Variants in HS3ST4 observed in about 807,000 individuals in gnomAD.
HS3ST4 encodes heparan sulfate-glucosamine 3-sulfotransferase 4, also known as heparan sulfate glucosamine 3-O-sulfotransferase 4.
Under a neutral mutation model 29.2 loss-of-function variants are expected in HS3ST4, and 17 were observed. That is an observed-to-expected ratio of 0.58 (90% CI 0.40 to 0.87). The LOEUF (loss-of-function observed/expected upper bound fraction) is 0.87, where lower values mean the gene tolerates loss of function less well. Ranked by LOEUF, HS3ST4 falls within the 40% of genes least tolerant of loss-of-function variation. The pLI is 0.00. For synonymous variants in HS3ST4, 314 were observed against 285.7 expected (o/e 1.10, Z -1.00); for missense variants, 627 against 634.5 (o/e 0.99, Z 0.13).
intron 1 of HS3ST4, among the ~76,000 whole-genome samples, chr16:25,754,372 C>A (rs1413353402): frequency 6.6e-6 from 1 of 151,564 alleles, no homozygotes; most frequent in Non-Finnish European, 1.5e-5. Flanking sequence ...ACCCACCCAC[C>A]CATTCACTTA....
chr16:25,737,782 A>G (rs1416376351), intron 1 of HS3ST4, among the ~76,000 whole-genome samples: 2 of 152,084 alleles, frequency 1.3e-5, no homozygotes, highest in African/African-American at 4.8e-5. Flanking sequence ...AAACAAGGCA[A>G]TTTGCCCACC....
chr16:26,081,987 G>T (rs1898730418), intron 1 of HS3ST4, among the ~76,000 whole-genome samples: 1 of 151,998 alleles, frequency 6.6e-6, no homozygotes, highest in African/African-American at 2.4e-5. Context: ...TAGAGACAGG[G>T]TTTCACCATG....
intron 1 of HS3ST4, among the ~76,000 whole-genome samples, chr16:25,832,970 C>A (rs1967319936): frequency 1.3e-5 from 2 of 152,192 alleles, no homozygotes; most frequent in Admixed American, 6.5e-5. Context: ...GCTAAGTTCG[C>A]ATCCTTTATA....
At chr16:25,840,144 G>A (rs1444487295) in intron 1 of HS3ST4, among the ~76,000 whole-genome samples, 1 of 152,146 alleles carries the variant, frequency 6.6e-6, no homozygotes, top group Non-Finnish European at 1.5e-5. Context: ...CTTTCATACT[G>A]ATACTCACTG....
chr16:26,008,925 G>A (rs535442808), intron 1 of HS3ST4, among the ~76,000 whole-genome samples: 1 of 152,254 alleles, frequency 6.6e-6, no homozygotes, highest in African/African-American at 2.4e-5. Context: ...TTTCACATTT[G>A]CCATCTTAGC....
intron 1 of HS3ST4, among the ~76,000 whole-genome samples, chr16:25,904,099 AATGGATGAATGG>A (rs1228746388): frequency 1.5e-4 from 21 of 135,832 alleles, no homozygotes; most frequent in African/African-American, 2.5e-4. Flanking sequence ...TGGATGAATG[AATGGATGAATGG>A]ATGGATGGAT....
chr16:26,002,007 G>T (rs962946356), intron 1 of HS3ST4, among the ~76,000 whole-genome samples: 3 of 152,144 alleles, frequency 2.0e-5, no homozygotes, highest in South Asian at 2.1e-4. Context: ...AAGCCACGTT[G>T]TCTGCTTTAG....
At chr16:25,858,221 T>G (rs1347398191) in intron 1 of HS3ST4, among the ~76,000 whole-genome samples, 2 of 151,976 alleles carry the variant, frequency 1.3e-5, no homozygotes, top group Non-Finnish European at 2.9e-5. Context: ...TTCTCTACAC[T>G]TATAAAATTA....
At chr16:26,072,851 A>C (rs747716769) in intron 1 of HS3ST4, among the ~76,000 whole-genome samples, 1 of 152,228 alleles carries the variant, frequency 6.6e-6, no homozygotes, top group East Asian at 1.9e-4. Flanking sequence ...ACTAAGAGAC[A>C]CTTTCAAGAT....
At chr16:25,891,767 G>A (rs1429265437) in intron 1 of HS3ST4, among the ~76,000 whole-genome samples, 2 of 152,188 alleles carry the variant, frequency 1.3e-5, no homozygotes, top group Non-Finnish European at 2.9e-5. Context: ...TGCCACAAGT[G>A]GTGCAGTCTT....
chr16:26,109,341 T>C (rs1261039071), intron 1 of HS3ST4, among the ~76,000 whole-genome samples: 1 of 152,182 alleles, frequency 6.6e-6, no homozygotes, highest in African/African-American at 2.4e-5. Flanking sequence ...CACAATCTTT[T>C]CTGCATGTGC....
intron 1 of HS3ST4, among the ~76,000 whole-genome samples, chr16:26,008,056 T>TAG (rs1459612609): frequency 2.6e-5 from 4 of 152,136 alleles, no homozygotes; most frequent in African/African-American, 9.7e-5. Flanking sequence ...AGTGAGCTCT[T>TAG]TGGCTGGATC....
chr16:26,112,595 T>G (rs1015328454), intron 1 of HS3ST4, among the ~76,000 whole-genome samples: 1 of 151,844 alleles, frequency 6.6e-6, no homozygotes, highest in African/African-American at 2.4e-5. Flanking sequence ...AATGATAAAT[T>G]AAGCCACAAA....
intron 1 of HS3ST4, among the ~76,000 whole-genome samples, chr16:26,085,323 G>T (rs975402005): frequency 2.0e-5 from 3 of 152,182 alleles, no homozygotes; most frequent in African/African-American, 7.2e-5. Flanking sequence ...ATTCATTCAA[G>T]AAATATTTAT....
At chr16:26,109,849 A>C (rs1370186794) in intron 1 of HS3ST4, among the ~76,000 whole-genome samples, 1 of 152,166 alleles carries the variant, frequency 6.6e-6, no homozygotes, top group Non-Finnish European at 1.5e-5. Context: ...GCATAGTGAC[A>C]TGGTTAAAAT....
chr16:25,934,023 A>G (rs68001621), intron 1 of HS3ST4, among the ~76,000 whole-genome samples: 23,142 of 152,238 alleles, frequency 0.15, 1,874 homozygotes, highest in Middle Eastern at 0.18. Flanking sequence ...CTTCACCTCT[A>G]TCTTAGAAAG....
intron 1 of HS3ST4, among the ~76,000 whole-genome samples, chr16:26,034,702 T>C (rs2141755404): frequency 6.6e-6 from 1 of 151,962 alleles, no homozygotes; most frequent in South Asian, 2.1e-4. Context: ...AGTGAGGATT[T>C]TGGATTACAG....
chr16:26,099,275 C>T lies in HS3ST4; in HGVS notation c.735-36337C>T, dbSNP rs138211339. On this transcript the variant is annotated intron_variant, in intron 1 of 1. Coordinates refer to ENST00000331351, the MANE Select transcript of HS3ST4 (RefSeq NM_006040.3). ...GCTCAAGTGATCCTCCTGCTTCAGC[C>T]CCCTGAATGGCTGAGACTACAGGTG... 9.3e-4 allele frequency among the ~76,000 whole-genome samples: 142 copies of T among 152,278 alleles called. 1 individual carries two copies. Among genetic ancestry groups the T allele is most frequent in the African/African-American group, 3.3e-3 (137 of 41,554 alleles).
chr16:25,920,772 T>C (rs1968343069), intron 1 of HS3ST4, among the ~76,000 whole-genome samples: 1 of 148,274 alleles, frequency 6.7e-6, no homozygotes, highest in South Asian at 2.1e-4. Context: ...TGGCTGATTT[T>C]TGTGTTCTAT....
Sources: allele counts gnomAD v4.1 joint callset (sites outside exome capture counted in the v4.1 genomes callset), GRCh38; gene constraint gnomAD v4.1.1; transcripts MANE v1.5; gene names NCBI Gene and HGNC (gene_info 2026-07-23, HGNC 2026-07-21).